The following LEKR1 variants were observed in gnomAD, a reference collection of about 807,000 sequenced individuals.
The protein encoded by LEKR1 is protein LEKR1.
A neutral mutation model predicts 72.4 loss-of-function variants in LEKR1; 59 were observed. That is an observed-to-expected ratio of 0.82 (90% CI 0.66 to 1.01). The LOEUF is 1.01. Ranked by LOEUF, LEKR1 falls within the 50% of genes least tolerant of loss-of-function variation. The pLI is 0.00. For synonymous variants in LEKR1, 257 were observed against 263.2 expected, an observed-to-expected ratio of 0.98 and a Z score of 0.23; for missense variants, 728 against 759.2, an observed-to-expected ratio of 0.96 and a Z score of 0.48.
chr3:156,895,093 C>T (rs1721039787), intron 3 of LEKR1, among the ~76,000 whole-genome samples: 1 of 152,006 alleles, frequency 6.6e-6, no homozygotes, highest in Non-Finnish European at 1.5e-5. Context: ...CACAGTGAAC[C>T]TACAGTCAAC....
chr3:156,854,110 T>C (rs1715727401), intron 3 of LEKR1, among the ~76,000 whole-genome samples: 1 of 151,932 alleles, frequency 6.6e-6, no homozygotes, highest in African/African-American at 2.4e-5. Flanking sequence ...ATTGTACTGA[T>C]TGTATTCTTA....
At position 156,888,474 on chromosome 3, in the gene LEKR1, A is replaced by G. The variant is rs762766607; in HGVS notation, c.264-32101A>G. 246 of 684,468 alleles carry G rather than the reference A, an allele frequency of 3.6e-4. 1 individual carries two copies. In the Middle Eastern group the frequency reaches 0.011, roughly 31 times the overall value. The allele number at this position is 684,468 out of a possible 1,614,324, so 42.4% of individuals were successfully genotyped here. A position where few individuals can be genotyped will look rare whatever the true frequency, so the allele number is the denominator to read the frequency against. On this transcript the variant is annotated intron_variant, in intron 3 of 12. Transcript: ENST00000356539. Reference sequence around the variant, plus strand: ...TAAATATTTTTTTGAAATGAAGTCAATGGATTTATTATGATACTAAGCCAG... The same window carrying G: ...TAAATATTTTTTTGAAATGAAGTCAGTGGATTTATTATGATACTAAGCCAG...
chr3:156,963,202 G>T (rs1728274532), intron 6 of LEKR1, among the ~76,000 whole-genome samples: 1 of 152,082 alleles, frequency 6.6e-6, no homozygotes, highest in African/African-American at 2.4e-5. Flanking sequence ...GCTTGATCAG[G>T]AACAACTATG....
At chr3:157,007,104 AG>A (rs1732509323) in intron 9 of LEKR1, among the ~76,000 whole-genome samples, 1 of 152,340 alleles carries the variant, frequency 6.6e-6, no homozygotes, top group South Asian at 2.1e-4. Context: ...CGGGAGGCTG[AG>A]GCAGGAGAAT....
intron 10 of LEKR1, among the ~76,000 whole-genome samples, chr3:157,016,667 C>T (rs766312937): frequency 9.9e-5 from 15 of 152,022 alleles, no homozygotes; most frequent in Non-Finnish European, 1.8e-4. Flanking sequence ...AATAGTAACA[C>T]TGTGGGTAAA....
chr3:156,993,181 TAAAG>T lies in LEKR1; in HGVS notation c.1015_1018del (p.Lys339GlufsTer12). ...GTGAAAGAAAAGCAAGAAGAAGACA[TAAAG>T]AGAAGAATTAACCTTGCAGAAAATG... is the stretch of plus-strand genomic sequence containing the variant. On this transcript the variant is annotated frameshift_variant, in exon 9 of 13. Transcript: ENST00000356539. LOFTEE classifies it high-confidence loss of function. 1 of 1,611,888 alleles carries T rather than the reference TAAAG, an allele frequency of 6.2e-7. No individual in the cohort carries two copies.
intron 1 of LEKR1, among the ~76,000 whole-genome samples, chr3:156,828,166 G>A (rs914302752): frequency 1.3e-5 from 2 of 152,200 alleles, no homozygotes; most frequent in Non-Finnish European, 2.9e-5. Context: ...GTTTTAAACA[G>A]CAACTCACTG....
chr3:156,951,972 G>A (rs73027787), intron 6 of LEKR1, among the ~76,000 whole-genome samples: 3,903 of 151,554 alleles, frequency 0.026, 172 homozygotes, highest in African/African-American at 0.089. Flanking sequence ...ATTGGGTATA[G>A]TATAAGGAAT....
chr3:156,993,865 T>C (rs1035726803), intron 9 of LEKR1, among the ~76,000 whole-genome samples: 2 of 152,198 alleles, frequency 1.3e-5, no homozygotes, highest in African/African-American at 4.8e-5. Context: ...TCTTTCTTTT[T>C]GTTTTCATTT....
chr3:156,866,195 A>G (rs1560035999), intron 3 of LEKR1, among the ~76,000 whole-genome samples: 1 of 152,082 alleles, frequency 6.6e-6, no homozygotes, highest in Non-Finnish European at 1.5e-5. Flanking sequence ...ATTTGTAGGC[A>G]GAAGAGCTTA....
chr3:156,869,095 T>C (rs535613898), intron 3 of LEKR1, among the ~76,000 whole-genome samples: 2 of 152,206 alleles, frequency 1.3e-5, no homozygotes, highest in Non-Finnish European at 2.9e-5. Flanking sequence ...TATCCATTCT[T>C]CCATTGATGG....
At chr3:156,831,180 T>A (rs1438651166) in intron 2 of LEKR1, among the ~76,000 whole-genome samples, 1 of 152,044 alleles carries the variant, frequency 6.6e-6, no homozygotes. Context: ...ATGGTCCATG[T>A]GTGAAGACGG....
At chr3:156,855,764 T>G (rs1715983353) in intron 3 of LEKR1, among the ~76,000 whole-genome samples, 1 of 152,152 alleles carries the variant, frequency 6.6e-6, no homozygotes, top group Non-Finnish European at 1.5e-5. Context: ...AAGGAAAAAC[T>G]CAAGAACCCT....
At chr3:156,899,509 TATATACATAC>T (rs1721676165) in intron 3 of LEKR1, among the ~76,000 whole-genome samples, 1 of 117,530 alleles carries the variant, frequency 8.5e-6, no homozygotes, top group African/African-American at 3.9e-5. Context: ...TATACATGTA[TATATACATAC>T]ATACATATAT....
intron 1 of LEKR1, chr3:156,826,798 G>C (rs1411000765): frequency 6.4e-6 from 1 of 155,328 alleles, no homozygotes; most frequent in Admixed American, 6.5e-5. Flanking sequence ...GTGAACTCCC[G>C]CCTTCACCTG....
chr3:156,966,518 G>A (rs1163335026), intron 6 of LEKR1, among the ~76,000 whole-genome samples: 4 of 152,222 alleles, frequency 2.6e-5, no homozygotes, highest in Non-Finnish European at 4.4e-5. Context: ...CGCCCATGGA[G>A]CCTCGCTCAT....
intron 7 of LEKR1, among the ~76,000 whole-genome samples, chr3:156,983,035 G>T (rs929492975): frequency 2.6e-5 from 4 of 151,972 alleles, no homozygotes; most frequent in Non-Finnish European, 5.9e-5. Flanking sequence ...TTTTAAGAAG[G>T]TCTTGTATGT....
intron 6 of LEKR1, among the ~76,000 whole-genome samples, chr3:156,954,887 G>T (rs1163160688): frequency 6.6e-6 from 1 of 151,982 alleles, no homozygotes; most frequent in African/African-American, 2.4e-5. Flanking sequence ...TTCTAGTTGT[G>T]TGAAGAATGT....
intron 6 of LEKR1, among the ~76,000 whole-genome samples, chr3:156,966,694 C>G (rs1728638355): frequency 6.6e-6 from 1 of 152,184 alleles, no homozygotes; most frequent in Admixed American, 6.5e-5. Context: ...TAGACTCCAC[C>G]TCTGGGGGCA....
Sources: allele counts gnomAD v4.1 joint callset (sites outside exome capture counted in the v4.1 genomes callset), GRCh38; gene constraint gnomAD v4.1.1; transcripts MANE v1.5; gene names NCBI Gene and HGNC (gene_info 2026-07-23, HGNC 2026-07-21).